Variants in GTF2E1 observed in about 807,000 individuals in gnomAD.
GTF2E1 encodes general transcription factor IIE subunit 1.
In GTF2E1, 14 loss-of-function variants were observed where a neutral mutation model predicts 34.9. That is an observed-to-expected ratio of 0.40 (90% confidence interval 0.27 to 0.63). The LOEUF (loss-of-function observed/expected upper bound fraction) is 0.63, where lower values mean the gene tolerates loss of function less well. GTF2E1 is among the 20% of genes least tolerant of loss of function. The pLI, the probability that GTF2E1 is intolerant of heterozygous loss-of-function variation, is 0.39. For synonymous variants in GTF2E1, 188 were observed against 192.9 expected (o/e 0.97, Z 0.21); for missense variants, 469 against 557.7 (o/e 0.84, Z 1.60).
At chr3:120,763,417 C>T (rs1426227473) in intron 2 of GTF2E1, among the ~76,000 whole-genome samples, 11 of 152,134 alleles carry the variant, frequency 7.2e-5, no homozygotes, top group Non-Finnish European at 1.3e-4. Flanking sequence ...TTATGTATTT[C>T]ATAAAATATT....
chr3:120,756,478 A>C (rs561430410), intron 2 of GTF2E1, among the ~76,000 whole-genome samples: 36 of 151,784 alleles, frequency 2.4e-4, no homozygotes, highest in Admixed American at 8.6e-4. Flanking sequence ...AAGGGGGGGA[A>C]ATTTATTAGA....
At chr3:120,765,028 C>T (rs1385737930) in intron 2 of GTF2E1, among the ~76,000 whole-genome samples, 2 of 151,396 alleles carry the variant, frequency 1.3e-5, no homozygotes, top group South Asian at 4.2e-4. Flanking sequence ...TCCCTTCCCC[C>T]CACCCTCCCC....
At chr3:120,751,070 C>T in intron 2 of GTF2E1, 70 bp downstream of exon 2, 1 of 934,636 alleles carries the variant, frequency 1.1e-6, no homozygotes, top group Non-Finnish European at 1.6e-6. Context: ...ATTGATTCAT[C>T]TAATTTTTAA....
chr3:120,761,983 G>T (rs553962932), intron 2 of GTF2E1, among the ~76,000 whole-genome samples: 1 of 151,912 alleles, frequency 6.6e-6, no homozygotes, highest in Non-Finnish European at 1.5e-5. Context: ...GTAGAGACGG[G>T]ATTTCACCGT....
intron 2 of GTF2E1, 38 bp from the exon 3 acceptor site, chr3:120,770,690 G>C (rs1299285306): frequency 6.8e-7 from 1 of 1,466,116 alleles, no homozygotes; most frequent in Admixed American, 1.7e-5. Flanking sequence ...ATCTGCTAAA[G>C]TCTTCTCTCT....
chr3:120,761,002 A>G (rs1013765795), intron 2 of GTF2E1, among the ~76,000 whole-genome samples: 7 of 152,226 alleles, frequency 4.6e-5, no homozygotes, highest in Non-Finnish European at 1.0e-4. Context: ...AAGGAATGGT[A>G]CCAGCTCCTC....
intron 2 of GTF2E1, among the ~76,000 whole-genome samples, chr3:120,757,932 G>A (rs559853029): frequency 6.6e-6 from 1 of 152,210 alleles, no homozygotes; most frequent in Admixed American, 6.5e-5. Flanking sequence ...GGAGGCCGAG[G>A]TGGGCGGATC....
rs187377154 is a variant in GTF2E1, at chr3:120,775,215, G to C, written c.651-1208G>C. On this transcript the variant is annotated intron_variant, in intron 3 of 4. Coordinates refer to ENST00000283875, the MANE Select transcript of GTF2E1 (RefSeq NM_005513.3). ...GAAGGCAAAATAGTGAATGGCTTAG[G>C]AGGAAAGACTAATGAAGTATTTATT... Among the ~76,000 whole-genome samples the C allele has an allele frequency of 1.2e-4, 19 of 152,278 alleles. No homozygotes were observed. In the East Asian group the frequency reaches 3.3e-3, roughly 26 times the overall value.
At chr3:120,756,459 G>C (rs1044992725) in intron 2 of GTF2E1, among the ~76,000 whole-genome samples, 1 of 150,294 alleles carries the variant, frequency 6.7e-6, no homozygotes, top group Admixed American at 6.7e-5. Flanking sequence ...ATTGGGGAGT[G>C]GGGGGAGTAA....
At chr3:120,756,541 G>A (rs757740514) in intron 2 of GTF2E1, among the ~76,000 whole-genome samples, 11 of 152,066 alleles carry the variant, frequency 7.2e-5, no homozygotes, top group Non-Finnish European at 1.3e-4. Context: ...AACAAGTATC[G>A]TCCCTCTTCT....
intron 2 of GTF2E1, among the ~76,000 whole-genome samples, chr3:120,761,852 G>A (rs537972615): frequency 4.0e-5 from 6 of 148,178 alleles, no homozygotes; most frequent in African/African-American, 1.5e-4. Context: ...GTGCAGTGGC[G>A]TGATCTCGGC....
chr3:120,779,067 A>G (rs1008686047), intron 4 of GTF2E1, among the ~76,000 whole-genome samples: 1 of 152,150 alleles, frequency 6.6e-6, no homozygotes, highest in Non-Finnish European at 1.5e-5. Flanking sequence ...CTGTTCCTAG[A>G]ACCACTGTTT....
intron 2 of GTF2E1, among the ~76,000 whole-genome samples, chr3:120,765,484 C>T (rs1372127351): frequency 6.6e-6 from 1 of 152,118 alleles, no homozygotes; most frequent in African/African-American, 2.4e-5. Flanking sequence ...AAAAGTGGAG[C>T]TAATGTATAT....
At chr3:120,768,297 T>C (rs1709325432) in intron 2 of GTF2E1, among the ~76,000 whole-genome samples, 1 of 152,164 alleles carries the variant, frequency 6.6e-6, no homozygotes, top group Admixed American at 6.5e-5. Flanking sequence ...ATGAGCCATG[T>C]GATTTTCTGG....
intron 2 of GTF2E1, 142 bp from the exon 3 acceptor site, chr3:120,770,586 G>C: frequency 3.1e-6 from 2 of 636,622 alleles, no homozygotes. Context: ...CTAAATGGTG[G>C]TCACATGGCT....
chr3:120,777,994 G>T (rs1164602373), intron 4 of GTF2E1, among the ~76,000 whole-genome samples: 1 of 152,196 alleles, frequency 6.6e-6, no homozygotes, highest in African/African-American at 2.4e-5. Context: ...AAAGTGCTGG[G>T]ATTACAGGCA....
At chr3:120,770,175 A>G (rs1246049831) in intron 2 of GTF2E1, among the ~76,000 whole-genome samples, 1 of 152,164 alleles carries the variant, frequency 6.6e-6, no homozygotes, top group Non-Finnish European at 1.5e-5. Flanking sequence ...CTGGAAATCC[A>G]GGTGTGGCTA....
At chr3:120,751,192 G>A (rs2107605627) in intron 2 of GTF2E1, 192 bp downstream of exon 2, 4 of 520,370 alleles carry the variant, frequency 7.7e-6, no homozygotes, top group South Asian at 6.1e-5. Context: ...TTTGCAAAGC[G>A]TTTCTCCTTT....
chr3:120,751,439 G>T (rs2107605683), intron 2 of GTF2E1, among the ~76,000 whole-genome samples: 1 of 152,310 alleles, frequency 6.6e-6, no homozygotes, highest in East Asian at 1.9e-4. Flanking sequence ...GCCTCTGGAA[G>T]AAGTTAACAT....
Sources: allele counts gnomAD v4.1 joint callset (sites outside exome capture counted in the v4.1 genomes callset), GRCh38; gene constraint gnomAD v4.1.1; transcripts MANE v1.5; gene names NCBI Gene and HGNC (gene_info 2026-07-23, HGNC 2026-07-21).